The following NELL2 variants were observed in gnomAD, a reference collection of about 807,000 sequenced individuals.
NELL2 encodes the protein protein kinase C-binding protein NELL2.
In NELL2, 41 loss-of-function variants were observed where a neutral mutation model predicts 109.6. The observed-to-expected ratio is 0.37, with a 90% confidence interval of 0.29 to 0.49. The LOEUF is 0.49. NELL2 is among the 20% of genes least tolerant of loss of function. The probability of loss-of-function intolerance (pLI) is 0.98; values close to 1 mark genes in which losing one functional copy is unlikely to be tolerated. For synonymous variants in NELL2, 355 were observed against 344.7 expected (o/e 1.03, Z -0.33); for missense variants, 900 against 1,008.3 (o/e 0.89, Z 1.45).
At chr12:44,811,596 G>A (rs944819182) in intron 3 of NELL2, among the ~76,000 whole-genome samples, 16 of 151,892 alleles carry the variant, frequency 1.1e-4, no homozygotes, top group Non-Finnish European at 1.8e-4. Flanking sequence ...TACTCCTATC[G>A]CTTTACTCCA....
Position 44,741,013 on chromosome 12 carries a change from C to T in NELL2, c.995-26272G>A, listed in dbSNP as rs1357568105. Reference sequence around the variant, plus strand: ...GGCACTGTTTCAAAGTACAGTTGATCCTTGAACAACATGAGATTGAACTAT... The same window carrying T: ...GGCACTGTTTCAAAGTACAGTTGATTCTTGAACAACATGAGATTGAACTAT... On this transcript the variant is annotated intron_variant, in intron 9 of 19. Transcript: ENST00000429094. Among the ~76,000 whole-genome samples the T allele has an allele frequency of 2.0e-5, 3 of 152,084 alleles. No individual in the cohort carries two copies. The East Asian group carries it at 5.8e-4, about 29-fold the overall frequency.
chr12:44,559,814 C>A (rs1422221636), intron 15 of NELL2, among the ~76,000 whole-genome samples: 1 of 152,178 alleles, frequency 6.6e-6, no homozygotes, highest in African/African-American at 2.4e-5. Context: ...GAACTCAGCT[C>A]TGGACCAAGT....
chr12:44,840,670 G>C, intron 2 of NELL2, among the ~76,000 whole-genome samples: 1 of 150,956 alleles, frequency 6.6e-6, no homozygotes, highest in East Asian at 1.9e-4. Context: ...ATGCTGTATT[G>C]ATTGGTTCTT....
At chr12:44,782,688 A>C (rs1004712929) in intron 3 of NELL2, among the ~76,000 whole-genome samples, 10 of 152,166 alleles carry the variant, frequency 6.6e-5, no homozygotes, top group African/African-American at 2.2e-4. Flanking sequence ...CAATCCATTA[A>C]GAAGACATAG....
chr12:44,551,488 T>A (rs1411965711), intron 15 of NELL2, among the ~76,000 whole-genome samples: 2 of 150,774 alleles, frequency 1.3e-5, no homozygotes, highest in Admixed American at 1.3e-4. Context: ...CAGATCTGTA[T>A]AGCAGGAGTA....
At chr12:44,588,084 G>A (rs1805565919) in intron 15 of NELL2, among the ~76,000 whole-genome samples, 1 of 150,984 alleles carries the variant, frequency 6.6e-6, no homozygotes, top group African/African-American at 2.5e-5. Context: ...CCGGGAGGTG[G>A]AGGTTGCAGG....
intron 9 of NELL2, among the ~76,000 whole-genome samples, chr12:44,773,170 G>A (rs1005440970): frequency 1.3e-5 from 2 of 152,138 alleles, no homozygotes; most frequent in Non-Finnish European, 2.9e-5. Context: ...TGGATGTAAA[G>A]AAAGATAAAA....
chr12:44,529,354 A>G (rs901753064), intron 16 of NELL2, among the ~76,000 whole-genome samples: 3 of 152,212 alleles, frequency 2.0e-5, no homozygotes, highest in Non-Finnish European at 4.4e-5. Context: ...GACCTGTAGG[A>G]CTTAGAAAGT....
At chr12:44,857,673 G>A (rs1205518729) in intron 2 of NELL2, among the ~76,000 whole-genome samples, 1 of 152,138 alleles carries the variant, frequency 6.6e-6, no homozygotes, top group Middle Eastern at 3.2e-3. Flanking sequence ...CTTTAATTGT[G>A]CTTGTAAAGT....
intron 9 of NELL2, among the ~76,000 whole-genome samples, chr12:44,758,348 C>G (rs868817784): frequency 6.6e-5 from 10 of 152,148 alleles, no homozygotes; most frequent in African/African-American, 2.4e-5. Flanking sequence ...AAATGCTATT[C>G]GCTGTGTTGG....
intron 2 of NELL2, among the ~76,000 whole-genome samples, chr12:44,853,787 T>A (rs557157148): frequency 3.4e-4 from 52 of 152,168 alleles, no homozygotes; most frequent in Non-Finnish European, 6.5e-4. Flanking sequence ...TTTAAATAAA[T>A]CTATTTTTAT....
intron 13 of NELL2, among the ~76,000 whole-genome samples, chr12:44,644,825 G>A (rs973234763): frequency 1.7e-4 from 25 of 151,430 alleles, no homozygotes; most frequent in African/African-American, 5.1e-4. Context: ...GTCCACTGAT[G>A]AACAAAGCAG....
chr12:44,526,144 G>T (rs888772900), intron 16 of NELL2, among the ~76,000 whole-genome samples: 1 of 150,816 alleles, frequency 6.6e-6, no homozygotes, highest in East Asian at 1.9e-4. Flanking sequence ...TTAGAGAAAT[G>T]CAAAAAAAAA....
intron 19 of NELL2, among the ~76,000 whole-genome samples, chr12:44,514,516 TATA>T (rs1397036472): frequency 6.6e-6 from 1 of 151,558 alleles, no homozygotes. Flanking sequence ...AGTATATTAT[TATA>T]ATTATATTTT....
intron 12 of NELL2, among the ~76,000 whole-genome samples, chr12:44,685,867 C>T (rs1948698497): frequency 6.6e-6 from 1 of 152,096 alleles, no homozygotes. Context: ...TTCATTTCAA[C>T]TTTGGTGAAT....
At chr12:44,540,339 A>T in intron 15 of NELL2, among the ~76,000 whole-genome samples, 1 of 152,198 alleles carries the variant, frequency 6.6e-6, no homozygotes, top group East Asian at 1.9e-4. Flanking sequence ...AATAGAATAC[A>T]GGTGAAGTGG....
chr12:44,799,640 G>C (rs1013660570), intron 3 of NELL2, among the ~76,000 whole-genome samples: 38 of 152,026 alleles, frequency 2.5e-4, no homozygotes, highest in Non-Finnish European at 4.6e-4. Flanking sequence ...CAGTATATTA[G>C]AGAGAAAAAT....
chr12:44,686,400 C>A (rs901959905), intron 12 of NELL2, among the ~76,000 whole-genome samples: 1 of 152,164 alleles, frequency 6.6e-6, no homozygotes, highest in African/African-American at 2.4e-5. Context: ...CGTCTGAAGC[C>A]TTCTTCTCTC....
intron 15 of NELL2, among the ~76,000 whole-genome samples, chr12:44,534,258 T>C (rs1942206632): frequency 6.6e-6 from 1 of 152,156 alleles, no homozygotes; most frequent in African/African-American, 2.4e-5. Flanking sequence ...TATTTCTTGA[T>C]AGGTCAAGTG....
Sources: allele counts gnomAD v4.1 joint callset (sites outside exome capture counted in the v4.1 genomes callset), GRCh38; gene constraint gnomAD v4.1.1; transcripts MANE v1.5; gene names NCBI Gene and HGNC (gene_info 2026-07-23, HGNC 2026-07-21).